The following PDE4B variants were observed in gnomAD, a reference collection of about 807,000 sequenced individuals.
PDE4B encodes phosphodiesterase 4B.
In PDE4B, 20 loss-of-function variants were observed where a neutral mutation model predicts 82.2. The ratio of observed to expected loss-of-function variants is 0.24; its 90% CI spans 0.17 to 0.35. The LOEUF (loss-of-function observed/expected upper bound fraction) is 0.35, where lower values mean the gene tolerates loss of function less well. Among genes scored for constraint, PDE4B ranks in the 10% least tolerant of loss-of-function variants. The pLI is 1.00. For synonymous variants in PDE4B, 320 were observed against 318.9 expected (o/e 1.00, Z -0.04); for missense variants, 655 against 907.2 (o/e 0.72, Z 3.57).
chr1:66,257,768 A>T, intron 5 of PDE4B, 25 bp from the exon 6 acceptor site: 1 of 1,611,264 alleles, frequency 6.2e-7, no homozygotes, highest in East Asian at 2.2e-5. Flanking sequence ...TTTGTCCTTA[A>T]CCGTTTAAAA....
chr1:66,174,310 T>A (rs1273577700), intron 3 of PDE4B, among the ~76,000 whole-genome samples: 1 of 152,234 alleles, frequency 6.6e-6, no homozygotes, highest in East Asian at 1.9e-4. Flanking sequence ...AAACTACTTC[T>A]TAATTTATTT....
chr1:65,930,862 G>T (rs768712142), intron 3 of PDE4B, among the ~76,000 whole-genome samples: 26 of 152,176 alleles, frequency 1.7e-4, no homozygotes, highest in Admixed American at 5.9e-4. Context: ...TGTTGGGAAG[G>T]CATGATTGTA....
chr1:65,921,720 G>A (rs1353989451), intron 3 of PDE4B, among the ~76,000 whole-genome samples: 1 of 152,216 alleles, frequency 6.6e-6, no homozygotes, highest in African/African-American at 2.4e-5. Flanking sequence ...GCAGCAGGCT[G>A]GATTTGGCCT....
intron 1 of PDE4B, among the ~76,000 whole-genome samples, chr1:65,854,155 T>A (rs1193995458): frequency 6.6e-6 from 1 of 151,768 alleles, no homozygotes; most frequent in Non-Finnish European, 1.5e-5. Context: ...CTACCTGTCC[T>A]CTCCTCTCCT....
At chr1:66,333,676 TC>T (rs1370533290) in intron 8 of PDE4B, among the ~76,000 whole-genome samples, 2 of 152,160 alleles carry the variant, frequency 1.3e-5, no homozygotes, top group Non-Finnish European at 2.9e-5. Context: ...TCTCCAGCTT[TC>T]CTGGGGTAAA....
intron 4 of PDE4B, among the ~76,000 whole-genome samples, chr1:66,248,617 G>C (rs1653508498): frequency 6.6e-6 from 1 of 152,150 alleles, no homozygotes; most frequent in South Asian, 2.1e-4. Context: ...TCAGTCATTT[G>C]GCAAAATTTA....
intron 3 of PDE4B, among the ~76,000 whole-genome samples, chr1:66,242,668 T>C (rs1652978346): frequency 6.6e-6 from 1 of 152,208 alleles, no homozygotes; most frequent in Admixed American, 6.5e-5. Context: ...TTAACTTGAA[T>C]TCTAGGAAGT....
At chr1:65,934,803 G>A (rs997468189) in intron 3 of PDE4B, among the ~76,000 whole-genome samples, 1 of 152,078 alleles carries the variant, frequency 6.6e-6, no homozygotes, top group Non-Finnish European at 1.5e-5. Context: ...TAATGAAAAG[G>A]TCAATTGAAC....
At chr1:66,191,600 T>C (rs1480374214) in intron 3 of PDE4B, among the ~76,000 whole-genome samples, 1 of 152,192 alleles carries the variant, frequency 6.6e-6, no homozygotes, top group African/African-American at 2.4e-5. Flanking sequence ...TCTGCCTTTT[T>C]GTCAAGTTAA....
intron 3 of PDE4B, among the ~76,000 whole-genome samples, chr1:66,147,161 A>G (rs1646291701): frequency 6.6e-6 from 1 of 152,268 alleles, no homozygotes; most frequent in African/African-American, 2.4e-5. Context: ...TACTTCAGAA[A>G]GCACTTGCAC....
At chr1:66,130,323 T>G (rs954730124) in intron 3 of PDE4B, among the ~76,000 whole-genome samples, 1 of 152,238 alleles carries the variant, frequency 6.6e-6, no homozygotes, top group African/African-American at 2.4e-5. Flanking sequence ...GTGGCATTTG[T>G]AAAACGTTCA....
At chr1:66,299,975 GA>G (rs1163044715) in intron 7 of PDE4B, among the ~76,000 whole-genome samples, 1 of 152,102 alleles carries the variant, frequency 6.6e-6, no homozygotes, top group Non-Finnish European at 1.5e-5. Context: ...GTTATAATAT[GA>G]ATTAATAATG....
chr1:65,817,416 C>T (rs960191655), intron 1 of PDE4B, among the ~76,000 whole-genome samples: 1 of 152,182 alleles, frequency 6.6e-6, no homozygotes, highest in South Asian at 2.1e-4. Context: ...AAGCAAGACT[C>T]TTCTGTAACT....
chr1:66,350,724 T>C (rs1661758303), intron 8 of PDE4B, among the ~76,000 whole-genome samples: 1 of 152,230 alleles, frequency 6.6e-6, no homozygotes, highest in Admixed American at 6.5e-5. Context: ...ACCAAGATAG[T>C]GCCTATCTTG....
intron 10 of PDE4B, 76 bp downstream of exon 10, chr1:66,361,869 A>G: frequency 1.7e-6 from 2 of 1,154,434 alleles, no homozygotes; most frequent in Non-Finnish European, 2.4e-6. Flanking sequence ...CTTTTAGAAA[A>G]TAGTATGGAT....
intron 3 of PDE4B, among the ~76,000 whole-genome samples, chr1:66,108,633 G>T (rs1645421513): frequency 6.6e-6 from 1 of 151,744 alleles, no homozygotes; most frequent in Admixed American, 6.6e-5. Flanking sequence ...ATGGGCAAAG[G>T]ACTTGAAAAG....
chr1:66,156,300 A>T (rs576922249), intron 3 of PDE4B, among the ~76,000 whole-genome samples: 5 of 152,284 alleles, frequency 3.3e-5, no homozygotes, highest in African/African-American at 1.2e-4. Flanking sequence ...AGCAACTCTT[A>T]TAAGTTGCAC....
chr1:66,152,731 G>T (rs867408739), intron 3 of PDE4B, among the ~76,000 whole-genome samples: 2 of 151,744 alleles, frequency 1.3e-5, no homozygotes, highest in South Asian at 2.1e-4. Context: ...TCCAAAATTT[G>T]TAGGGCAAGC....
chr1:66,294,000 G>T lies in PDE4B; in HGVS notation c.634+27913G>T, dbSNP rs1170370429. Among the ~76,000 whole-genome samples, 12 of 152,318 alleles carry T rather than the reference G, an allele frequency of 7.9e-5. 1 individual carries two copies. The East Asian group carries it at 2.3e-3, about 29-fold the overall frequency. The stretch of plus-strand genomic sequence containing the variant: ...CTGGGCAAGTCCCCTGAAATCAGGA[G>T]TTCCTGACCAGCCTGGCCAACATGG... On this transcript the variant is annotated intron_variant, in intron 7 of 16. Coordinates refer to ENST00000341517, the MANE Select transcript of PDE4B (RefSeq NM_002600.4).
Sources: gnomAD v4.1 joint callset for allele counts (sites outside exome capture counted in the v4.1 genomes callset) on GRCh38, gnomAD v4.1.1 for gene constraint, MANE v1.5 for transcripts, NCBI Gene and HGNC (gene_info 2026-07-23, HGNC 2026-07-21) for gene names.